PRKN: variants seen among roughly 807,000 people sequenced by gnomAD.
PRKN encodes parkin RBR E3 ubiquitin protein ligase.
PRKN carries 56 observed loss-of-function variants against 59.5 expected under a neutral mutation model. The observed-to-expected ratio is 0.94, with a 90% CI of 0.76 to 1.18. The LOEUF is 1.18. Among genes scored for constraint, PRKN ranks in the 50% most tolerant of loss-of-function variants. The probability of loss-of-function intolerance (pLI) is 0.00; values close to 1 mark genes in which losing one functional copy is unlikely to be tolerated. For missense variants in PRKN, 657 were observed against 596.4 expected, an observed-to-expected ratio of 1.10 and a Z score of -1.06; for synonymous variants, 250 against 222.1, an observed-to-expected ratio of 1.13 and a Z score of -1.12.
chr6:162,206,971 T>C (rs1413547061), intron 3 of PRKN, among the ~76,000 whole-genome samples: 1 of 152,170 alleles, frequency 6.6e-6, no homozygotes, highest in East Asian at 1.9e-4. Flanking sequence ...TTAGTTCTAG[T>C]TTAACCAATA....
At chr6:161,641,244 G>C (rs746316234) in intron 7 of PRKN, among the ~76,000 whole-genome samples, 1 of 152,248 alleles carries the variant, frequency 6.6e-6, no homozygotes, top group Non-Finnish European at 1.5e-5. Flanking sequence ...TGATGGTTTA[G>C]GAGTCATGCA....
intron 5 of PRKN, among the ~76,000 whole-genome samples, chr6:162,017,745 C>T (rs949277987): frequency 2.0e-5 from 3 of 152,146 alleles, no homozygotes; most frequent in Non-Finnish European, 2.9e-5. Context: ...TCTTCTGAAA[C>T]GTTGCCTGTC....
intron 6 of PRKN, among the ~76,000 whole-genome samples, chr6:161,908,146 C>T (rs1778218929): frequency 6.6e-6 from 1 of 152,152 alleles, no homozygotes; most frequent in Non-Finnish European, 1.5e-5. Flanking sequence ...GAAAGTGAAA[C>T]TCAAAACTTG....
intron 7 of PRKN, among the ~76,000 whole-genome samples, chr6:161,700,761 A>G (rs188645450): frequency 1.3e-5 from 2 of 152,306 alleles, no homozygotes; most frequent in African/African-American, 4.8e-5. Flanking sequence ...GTTTTAGGAT[A>G]AGGACATTTG....
At chr6:161,940,026 T>C (rs114679724) in intron 6 of PRKN, among the ~76,000 whole-genome samples, 41 of 152,142 alleles carry the variant, frequency 2.7e-4, no homozygotes, top group Middle Eastern at 3.4e-3. Context: ...ATCTCCCAAG[T>C]AGCTGAGATT....
intron 6 of PRKN, among the ~76,000 whole-genome samples, chr6:161,827,358 T>C (rs1792288162): frequency 6.6e-6 from 1 of 152,152 alleles, no homozygotes; most frequent in Non-Finnish European, 1.5e-5. Context: ...TATTGAAAGA[T>C]GGGTTTTTAG....
rs1343130475 is a variant in PRKN at position 161,538,270 on chromosome 6, C to T, written c.1083+10584G>A. Reference sequence around the variant, plus strand: ...CCTGGTTCAAGAATGGGCAAACAGACAGGCAAGGGTTATACATTTGACCTG... The same window carrying T: ...CCTGGTTCAAGAATGGGCAAACAGATAGGCAAGGGTTATACATTTGACCTG... On this transcript the variant is annotated intron_variant, in intron 9 of 11. Transcript: ENST00000366898. The surrounding 1 kb of genome is among the most constrained non-coding windows in gnomAD (Gnocchi z 4.2). Among the ~76,000 whole-genome samples, 1 of 152,152 alleles carries T rather than the reference C, an allele frequency of 6.6e-6. No homozygotes were observed. Among genetic ancestry groups the T allele is most frequent in the African/African-American group, 2.4e-5 (1 of 41,428 alleles).
chr6:162,016,013 A>G (rs947001176), intron 5 of PRKN, among the ~76,000 whole-genome samples: 8 of 152,320 alleles, frequency 5.3e-5, no homozygotes, highest in African/African-American at 1.9e-4. Flanking sequence ...ATGGAAAAGA[A>G]CAGTTCAAAA....
chr6:161,855,082 CAA>C (rs1203185737), intron 6 of PRKN, among the ~76,000 whole-genome samples: 4 of 45,622 alleles, frequency 8.8e-5, no homozygotes, highest in Non-Finnish European at 1.4e-4. Context: ...GACTTCATCT[CAA>C]AAAAAAAAAA....
intron 1 of PRKN, among the ~76,000 whole-genome samples, chr6:162,475,564 TGTGA>T (rs1004314014): frequency 2.7e-5 from 4 of 147,752 alleles, no homozygotes; most frequent in East Asian, 1.9e-4. Flanking sequence ...TGTGTATGCA[TGTGA>T]GTGTGTGTGT....
intron 4 of PRKN, among the ~76,000 whole-genome samples, chr6:162,109,038 C>T (rs9458459): frequency 0.072 from 10,988 of 152,250 alleles, 594 homozygotes; most frequent in African/African-American, 0.15. Context: ...CATATTTATA[C>T]CCACTTTTAA....
At chr6:161,691,223 G>T (rs1184831579) in intron 7 of PRKN, among the ~76,000 whole-genome samples, 1 of 152,136 alleles carries the variant, frequency 6.6e-6, no homozygotes, top group Non-Finnish European at 1.5e-5. Flanking sequence ...CTACCAGTTG[G>T]ATCTTTTGTA....
intron 7 of PRKN, among the ~76,000 whole-genome samples, chr6:161,682,749 C>T (rs532643219): frequency 2.6e-5 from 4 of 152,156 alleles, no homozygotes; most frequent in Admixed American, 1.3e-4. Flanking sequence ...CTGCAAGACG[C>T]GAGGCCTGGT....
At chr6:161,770,715 G>T (rs1330953982) in intron 7 of PRKN, among the ~76,000 whole-genome samples, 1 of 152,104 alleles carries the variant, frequency 6.6e-6, no homozygotes, top group Non-Finnish European at 1.5e-5. Context: ...AGATCCACCC[G>T]CCTCAGCCTC....
intron 2 of PRKN, among the ~76,000 whole-genome samples, chr6:162,332,932 T>G (rs1783652771): frequency 6.6e-6 from 1 of 152,176 alleles, no homozygotes; most frequent in Non-Finnish European, 1.5e-5. Flanking sequence ...ATTTTTTCCT[T>G]CTAAAATTTG....
intron 5 of PRKN, among the ~76,000 whole-genome samples, chr6:162,046,046 T>G (rs909078218): frequency 6.6e-6 from 1 of 152,252 alleles, no homozygotes; most frequent in African/African-American, 2.4e-5. Context: ...TATTACTATC[T>G]TTTCCAGTAG....
intron 4 of PRKN, among the ~76,000 whole-genome samples, chr6:162,133,746 G>A (rs1048770881): frequency 6.6e-6 from 1 of 152,130 alleles, no homozygotes; most frequent in Non-Finnish European, 1.5e-5. Context: ...AAAGAGAAGT[G>A]GCCCATGTGG....
At chr6:161,746,573 A>T (rs965080965) in intron 7 of PRKN, among the ~76,000 whole-genome samples, 6 of 143,750 alleles carry the variant, frequency 4.2e-5, no homozygotes, top group Non-Finnish European at 7.6e-5. Flanking sequence ...ATATATATTT[A>T]TATATATATA....
intron 7 of PRKN, among the ~76,000 whole-genome samples, chr6:161,692,982 T>C (rs1300836297): frequency 1.3e-5 from 2 of 151,014 alleles, no homozygotes; most frequent in Non-Finnish European, 3.0e-5. Context: ...AGTGGATGGA[T>C]ATTACCACAT....
Sources: gnomAD v4.1 joint callset for allele counts (sites outside exome capture counted in the v4.1 genomes callset) on GRCh38, gnomAD v4.1.1 for gene constraint, Gnocchi (gnomAD v3.1) non-coding constraint, MANE v1.5 for transcripts, NCBI Gene and HGNC (gene_info 2026-07-23, HGNC 2026-07-21) for gene names.